The following SCN8A variants were observed in gnomAD, a reference collection of about 807,000 sequenced individuals.
The protein encoded by SCN8A is sodium channel protein type 8 subunit alpha.
Under a neutral mutation model 184.1 loss-of-function variants are expected in SCN8A, and 30 were observed. The observed-to-expected ratio is 0.16, with a 90% CI of 0.12 to 0.22. SCN8A has a LOEUF of 0.22. Ranked by LOEUF, SCN8A falls within the 10% of genes least tolerant of loss-of-function variation. SCN8A has a pLI of 1.00. For synonymous variants in SCN8A, 852 were observed against 907.0 expected, an observed-to-expected ratio of 0.94 and a Z score of 1.09; for missense variants, 1,057 against 2,498.9, an observed-to-expected ratio of 0.42 and a Z score of 12.30.
rs761704047 is a variant in SCN8A, at chr12:51,662,782, G to A, written c.-36G>A. ...CTTCCAGAGCTGACCTGTCCTGGACGCAGCATAACTAACGAAGCTGCTGCA... is the reference window on the plus strand; with the variant it reads ...CTTCCAGAGCTGACCTGTCCTGGACACAGCATAACTAACGAAGCTGCTGCA... On this transcript the variant is annotated 5_prime_UTR_variant, in exon 2 of 27. Coordinates refer to ENST00000627620, the MANE Select transcript of SCN8A (RefSeq NM_001330260.2). 5.6e-6 allele frequency: 9 copies of A among 1,606,546 alleles called. No individual in the cohort carries two copies. The highest frequency in any genetic ancestry group is 2.2e-5 in the East Asian group (1 of 44,820).
intron 2 of SCN8A, among the ~76,000 whole-genome samples, chr12:51,672,176 G>A (rs1941143615): frequency 1.3e-5 from 2 of 152,060 alleles, no homozygotes; most frequent in South Asian, 4.1e-4. Context: ...CCTGTCCCCA[G>A]GTAGTCTAAT....
At chr12:51,708,242 TG>T (rs1485025839) in intron 11 of SCN8A, among the ~76,000 whole-genome samples, 1 of 152,230 alleles carries the variant, frequency 6.6e-6, no homozygotes, top group Non-Finnish European at 1.5e-5. Context: ...CAAGTTCTAC[TG>T]ATTAATTATT....
chr12:51,748,954 C>G lies in SCN8A; in HGVS notation c.2132-2401C>G, dbSNP rs192218439. ...TGTGAGGTCCTTTCTGAAAACAATT[C>G]CCAGTACCCCTGAGGTTAAGACCCA... On this transcript the variant is annotated intron_variant, in intron 13 of 26. Transcript: ENST00000627620. Among the ~76,000 whole-genome samples, 7 of 152,260 alleles carry G rather than the reference C, an allele frequency of 4.6e-5. No homozygotes were observed. The East Asian group carries it at 1.4e-3, about 29-fold the overall frequency.
At chr12:51,722,797 AATCAGTT>A (rs1473435593) in intron 12 of SCN8A, 1 of 152,256 alleles carries the variant, frequency 6.6e-6, no homozygotes, top group African/African-American at 2.4e-5. Flanking sequence ...AGCTTCACAA[AATCAGTT>A]ATCTAGAGGT....
intron 7 of SCN8A, among the ~76,000 whole-genome samples, chr12:51,700,518 TC>T (rs1941669731): frequency 6.6e-6 from 1 of 152,220 alleles, no homozygotes. Context: ...CACTATTCAA[TC>T]CTATTACAGT....
chr12:51,604,072 T>C (rs1461807343), intron 1 of SCN8A, among the ~76,000 whole-genome samples: 1 of 152,190 alleles, frequency 6.6e-6, no homozygotes, highest in African/African-American at 2.4e-5. Context: ...AATTTTGATT[T>C]AGTCCAATTT....
At chr12:51,754,087 A>T (rs370489088) in intron 14 of SCN8A, among the ~76,000 whole-genome samples, 21 of 152,178 alleles carry the variant, frequency 1.4e-4, no homozygotes, top group African/African-American at 4.8e-4. Flanking sequence ...AAAAGAGAAA[A>T]TAATAGTAGG....
intron 1 of SCN8A, among the ~76,000 whole-genome samples, chr12:51,615,827 C>G (rs1939824437): frequency 6.6e-6 from 1 of 152,292 alleles, no homozygotes; most frequent in African/African-American, 2.4e-5. Flanking sequence ...AAGTGATCCT[C>G]TCACCTCAGC....
chr12:51,685,692 T>C (rs1011671219), intron 3 of SCN8A, among the ~76,000 whole-genome samples: 1 of 152,152 alleles, frequency 6.6e-6, no homozygotes, highest in African/African-American at 2.4e-5. Context: ...TCAACACATA[T>C]GGGCTGTATT....
intron 1 of SCN8A, among the ~76,000 whole-genome samples, chr12:51,610,687 T>C (rs2138576754): frequency 6.6e-6 from 1 of 152,340 alleles, no homozygotes; most frequent in Non-Finnish European, 1.5e-5. Context: ...TCCTGGCTGA[T>C]AATTGTTTTG....
intron 12 of SCN8A, among the ~76,000 whole-genome samples, chr12:51,737,417 T>A (rs1243717038): frequency 6.6e-6 from 1 of 152,230 alleles, no homozygotes; most frequent in Non-Finnish European, 1.5e-5. Flanking sequence ...TAACTCTGCC[T>A]CTGCCTCCTT....
chr12:51,591,470 C>G (rs1275644656), intron 1 of SCN8A, 111 bp downstream of exon 1: 2 of 152,616 alleles, frequency 1.3e-5, no homozygotes, highest in Admixed American at 6.5e-5. Context: ...GGGGCTTTGC[C>G]GCAGAGTGCG....
intron 1 of SCN8A, among the ~76,000 whole-genome samples, chr12:51,639,025 G>A (rs1276498659): frequency 6.6e-6 from 1 of 152,044 alleles, no homozygotes; most frequent in Non-Finnish European, 1.5e-5. Flanking sequence ...TTATCGCTCA[G>A]GCTTGAGTGC....
Position 51,721,868 on chromosome 12 carries a change from G to T in SCN8A, c.1958G>T (p.Gly653Val). The T allele has an allele frequency of 6.2e-7, 1 of 1,602,234 alleles. No homozygotes were observed. ...VDCNGVVSLIGGPGSHIGGRL... is the reference protein window; with the variant it reads ...VDCNGVVSLIVGPGSHIGGRL... ...TGCAACGGCGTGGTGTCCCTCATCG[G>T]CGGCCCCGGCTCCCACATCGGCGGG... Residue 653 changes from glycine (G) to valine (V), a missense_variant, in exon 12 of 27, where the codon GGC becomes GTC. Around this residue, in one of 19 missense-constraint regions of SCN8A, gnomAD observed 322 missense variants for 390.1 expected, o/e 0.83. Transcript: ENST00000627620.
In SCN8A at chr12:51,788,756, T is replaced by C. The variant is rs1196004930; in HGVS notation, c.4281+8T>C. 6.8e-6 allele frequency: 11 copies of C among 1,608,488 alleles called. No individual in the cohort carries two copies. Among genetic ancestry groups the C allele is most frequent in the East Asian group, 6.7e-5 (3 of 44,658 alleles). ...GCTGTAGATTCCCGGAAGGTAAGGA[T>C]GTACATGGCGAAAATACCACCTTCT... On this transcript the variant is annotated splice_region_variant and intron_variant, in intron 23 of 26. Transcript: ENST00000627620.
Position 51,721,750 on chromosome 12 carries a change from T to C in SCN8A, c.1840T>C (p.Tyr614His), listed in dbSNP as rs1404251540. ...CCGGGCCCGCGAGCGCCGGAGCAGC[T>C]ACAGCGGCTACAGCGGCTACAGCCA... is the stretch of plus-strand genomic sequence containing the variant. ...PIRARERRSSYSGYSGYSQGS... is the reference protein window; with the variant it reads ...PIRARERRSSHSGYSGYSQGS... The change falls in exon 12 of 27, where the codon TAC becomes CAC. Residue 614 changes from tyrosine to histidine, a missense_variant. By Grantham distance (83) the Tyr-to-His change is moderately conservative (BLOSUM62 2). Transcript: ENST00000627620. 1 of 1,606,432 alleles carries C rather than the reference T, an allele frequency of 6.2e-7. No individual in the cohort carries two copies. Among genetic ancestry groups the C allele is most frequent in the Admixed American group, 1.7e-5 (1 of 59,084 alleles).
At chr12:51,688,361 T>C (rs1941453269) in intron 5 of SCN8A, among the ~76,000 whole-genome samples, 1 of 152,246 alleles carries the variant, frequency 6.6e-6, no homozygotes, top group South Asian at 2.1e-4. Flanking sequence ...GTTACTTTAA[T>C]GTAGATTTGT....
chr12:51,653,947 T>C (rs756174951), intron 1 of SCN8A, among the ~76,000 whole-genome samples: 2 of 152,232 alleles, frequency 1.3e-5, no homozygotes, highest in Non-Finnish European at 2.9e-5. Flanking sequence ...TACCTAATGA[T>C]TAATGATGCT....
chr12:51,756,709 C>T (rs1054864236), intron 14 of SCN8A, among the ~76,000 whole-genome samples: 5 of 152,190 alleles, frequency 3.3e-5, no homozygotes, highest in South Asian at 2.1e-4. Context: ...TGGACCTCCT[C>T]GCTCCCCTCC....
Sources: gnomAD v4.1 joint callset for allele counts (sites outside exome capture counted in the v4.1 genomes callset) on GRCh38, gnomAD v4.1.1 for gene constraint, gnomAD v4.1.1 regional missense constraint, MANE v1.5 for transcripts, NCBI Gene and HGNC (gene_info 2026-07-23, HGNC 2026-07-21) for gene names.